Variants in MSRA observed in about 807,000 individuals in gnomAD.
MSRA encodes mitochondrial peptide methionine sulfoxide reductase.
In MSRA, 54 loss-of-function variants were observed where a neutral mutation model predicts 31.3. That is an observed-to-expected ratio of 1.73 (90% CI 1.39 to 2.17). MSRA has a LOEUF of 2.17. Ranked by LOEUF, MSRA falls within the 30% of genes most tolerant of loss-of-function variation. The probability of loss-of-function intolerance (pLI) is 0.00; values close to 1 mark genes in which losing one functional copy is unlikely to be tolerated. For synonymous variants in MSRA, 169 were observed against 116.5 expected, an observed-to-expected ratio of 1.45 and a Z score of -2.90; for missense variants, 507 against 300.9, an observed-to-expected ratio of 1.69 and a Z score of -5.07.
intron 1 of MSRA, among the ~76,000 whole-genome samples, chr8:10,118,292 A>G (rs1322976372): frequency 6.6e-6 from 1 of 152,162 alleles, no homozygotes; most frequent in Non-Finnish European, 1.5e-5. Flanking sequence ...TTATTCCACA[A>G]ACATAGGCTG....
intron 1 of MSRA, among the ~76,000 whole-genome samples, chr8:10,163,522 G>C (rs973532937): frequency 6.6e-6 from 1 of 152,202 alleles, no homozygotes; most frequent in Non-Finnish European, 1.5e-5. Context: ...CACCTTGGGA[G>C]GGCATCACAC....
At chr8:10,239,014 T>G (rs1812181072) in intron 2 of MSRA, among the ~76,000 whole-genome samples, 1 of 151,964 alleles carries the variant, frequency 6.6e-6, no homozygotes, top group Admixed American at 6.6e-5. Flanking sequence ...AAAATAGCAT[T>G]CAAAACATAA....
At chr8:10,189,606 T>G (rs2129053049) in intron 1 of MSRA, among the ~76,000 whole-genome samples, 1 of 152,342 alleles carries the variant, frequency 6.6e-6, no homozygotes, top group South Asian at 2.1e-4. Context: ...AGATTTTTTT[T>G]CTTTTTTAGC....
At chr8:10,141,708 C>A (rs1174822030) in intron 1 of MSRA, among the ~76,000 whole-genome samples, 5 of 151,832 alleles carry the variant, frequency 3.3e-5, no homozygotes, top group Admixed American at 1.3e-4. Context: ...CACCTCTTGA[C>A]AAATGCCTGC....
intron 1 of MSRA, among the ~76,000 whole-genome samples, chr8:10,145,289 A>T (rs1291114468): frequency 2.0e-5 from 3 of 152,228 alleles, no homozygotes; most frequent in African/African-American, 7.2e-5. Flanking sequence ...CATACGAAGA[A>T]TAGCTTTGCA....
chr8:10,396,898 C>G (rs1247908860), intron 5 of MSRA, among the ~76,000 whole-genome samples: 1 of 152,210 alleles, frequency 6.6e-6, no homozygotes, highest in Non-Finnish European at 1.5e-5. Context: ...AGTTTGACAT[C>G]TGTGCTCCAA....
chr8:10,336,220 A>G (rs1213509707), intron 5 of MSRA, among the ~76,000 whole-genome samples: 1 of 152,224 alleles, frequency 6.6e-6, no homozygotes, highest in Non-Finnish European at 1.5e-5. Context: ...CAAACACAAA[A>G]TCTTTTAATA....
intron 5 of MSRA, among the ~76,000 whole-genome samples, chr8:10,327,934 C>G (rs1484180239): frequency 6.6e-6 from 1 of 150,922 alleles, no homozygotes; most frequent in African/African-American, 2.4e-5. Flanking sequence ...ACTAGAACAA[C>G]AACAACAACA....
chr8:10,333,494 A>G (rs1341923831), intron 5 of MSRA, among the ~76,000 whole-genome samples: 2 of 152,150 alleles, frequency 1.3e-5, no homozygotes, highest in African/African-American at 4.8e-5. Flanking sequence ...GAGGTCCCCG[A>G]TGACTTGGGC....
intron 2 of MSRA, among the ~76,000 whole-genome samples, chr8:10,244,422 A>G (rs1481461066): frequency 1.3e-5 from 2 of 152,164 alleles, no homozygotes; most frequent in Non-Finnish European, 2.9e-5. Context: ...TATACACACA[A>G]TGTTTGCTAG....
At chr8:10,121,119 G>A (rs1801074292) in intron 1 of MSRA, among the ~76,000 whole-genome samples, 6 of 152,158 alleles carry the variant, frequency 3.9e-5, no homozygotes. Flanking sequence ...CCTTAAAGCT[G>A]GCAGTAAGGA....
intron 2 of MSRA, among the ~76,000 whole-genome samples, chr8:10,240,904 C>G (rs576951088): frequency 6.6e-6 from 1 of 152,042 alleles, no homozygotes; most frequent in Non-Finnish European, 1.5e-5. Context: ...GCCACACAGC[C>G]GTAGGTGCGA....
At chr8:10,387,894 G>A (rs1015839819) in intron 5 of MSRA, among the ~76,000 whole-genome samples, 1 of 152,174 alleles carries the variant, frequency 6.6e-6, no homozygotes, top group Non-Finnish European at 1.5e-5. Flanking sequence ...TTCTCAGGCA[G>A]CTTCTAGGGC....
intron 5 of MSRA, among the ~76,000 whole-genome samples, chr8:10,422,061 G>A (rs761181067): frequency 3.9e-5 from 6 of 152,152 alleles, no homozygotes; most frequent in Admixed American, 2.0e-4. Flanking sequence ...TGCGAGGATC[G>A]TTTGAGGCCA....
chr8:10,404,651 C>T (rs1189684261), intron 5 of MSRA, among the ~76,000 whole-genome samples: 2 of 152,378 alleles, frequency 1.3e-5, no homozygotes, highest in East Asian at 1.9e-4. Context: ...TGCTGCCGCG[C>T]CGCCCTCCCT....
intron 3 of MSRA, among the ~76,000 whole-genome samples, chr8:10,289,205 G>A (rs183723756): frequency 4.0e-4 from 61 of 151,838 alleles, no homozygotes; most frequent in African/African-American, 1.2e-3. Context: ...TAGTAGAGAC[G>A]GATTTCACCA....
intron 5 of MSRA, among the ~76,000 whole-genome samples, chr8:10,385,287 G>T (rs926351458): frequency 4.6e-5 from 7 of 152,172 alleles, no homozygotes; most frequent in African/African-American, 1.7e-4. Context: ...CTGAAGTTGG[G>T]GGGATTCAGG....
intron 5 of MSRA, among the ~76,000 whole-genome samples, chr8:10,321,289 A>G (rs930275505): frequency 2.0e-5 from 3 of 152,278 alleles, no homozygotes; most frequent in African/African-American, 7.2e-5. Context: ...AAGCTAATCT[A>G]TGTTAGAATT....
At chr8:10,114,063 T>A (rs546502093) in intron 1 of MSRA, among the ~76,000 whole-genome samples, 2 of 152,326 alleles carry the variant, frequency 1.3e-5, no homozygotes, top group African/African-American at 4.8e-5. Context: ...ATGTAATAGG[T>A]GGTGCTGGTC....
Sources: allele counts gnomAD v4.1 joint callset (sites outside exome capture counted in the v4.1 genomes callset), GRCh38; gene constraint gnomAD v4.1.1; transcripts MANE v1.5; gene names NCBI Gene and HGNC (gene_info 2026-07-23, HGNC 2026-07-21).